Variants in CSMD2 observed in about 807,000 individuals in gnomAD.
The protein encoded by CSMD2 is CUB and sushi domain-containing protein 2.
A neutral mutation model predicts 398.5 loss-of-function variants in CSMD2; 130 were observed. The ratio of observed to expected loss-of-function variants is 0.33; its 90% CI spans 0.28 to 0.38. CSMD2 has a LOEUF of 0.38. Ranked by LOEUF, CSMD2 falls within the 10% of genes least tolerant of loss-of-function variation. CSMD2 has a pLI of 1.00. For synonymous variants in CSMD2, 1,828 were observed against 1,908.5 expected, an observed-to-expected ratio of 0.96 and a Z score of 1.10; for missense variants, 3,829 against 4,764.9, an observed-to-expected ratio of 0.80 and a Z score of 5.78.
intron 29 of CSMD2, 115 bp downstream of exon 29, chr1:33,646,533 T>C (rs964342389): frequency 9.0e-7 from 1 of 1,106,710 alleles, no homozygotes; most frequent in African/African-American, 1.6e-5. Flanking sequence ...AGTGCTAGGG[T>C]TGGTGTGGGC....
Position 33,808,782 on chromosome 1 carries a change from G to GT in CSMD2, c.1446+1960dup, listed in dbSNP as rs1570053139. ...GCAAATAAATATATTAAAAGGAATAGTAAGAAAACAAAAATTCATTTTCTG... is the reference window on the plus strand; with the variant it reads ...GCAAATAAATATATTAAAAGGAATAGTTAAGAAAACAAAAATTCATTTTCTG... On this transcript the variant is annotated intron_variant, in intron 10 of 70. Transcript: ENST00000373381. Among the ~76,000 whole-genome samples the GT allele has an allele frequency of 2.0e-5, 3 of 151,718 alleles. No individual in the cohort carries two copies. In the East Asian group the frequency reaches 5.8e-4, roughly 29 times the overall value.
rs556035277 is a variant in CSMD2, at chr1:33,583,527, T to C, written c.7240+115A>G. 56 of 1,037,778 alleles carry C rather than the reference T, an allele frequency of 5.4e-5. No homozygotes were observed. In the South Asian group the frequency reaches 7.9e-4, roughly 15 times the overall value. The allele number at this position is 1,037,778 out of a possible 1,614,324, so 64.3% of individuals were successfully genotyped here. A position where few individuals can be genotyped will look rare whatever the true frequency, so the allele number is the denominator to read the frequency against. On this transcript the variant is annotated intron_variant, in intron 47 of 70. Transcript: ENST00000373381. ...GGGGTTGCTGTGGTAGGGAAGGACA[T>C]CCTGTGGAGCTTCTGGCAAGCCCTG... is the stretch of plus-strand genomic sequence containing the variant.
rs370744865 is a variant in CSMD2 at position 33,719,331 on chromosome 1, C to T, written c.3002-2830G>A. ...AGGTGGAAACAAGTTGATTAAGCAT[C>T]GCGCTTTGCACTCTATTCTTCTAGC... On this transcript the variant is annotated intron_variant, in intron 19 of 70. Coordinates refer to ENST00000373381, the MANE Select transcript of CSMD2 (RefSeq NM_001281956.2). 1.1e-4 allele frequency among the ~76,000 whole-genome samples: 16 copies of T among 152,326 alleles called. No individual in the cohort carries two copies. In the South Asian group the frequency reaches 2.9e-3, roughly 28 times the overall value.
At chr1:33,836,461 G>A (rs1242024655) in intron 6 of CSMD2, among the ~76,000 whole-genome samples, 2 of 152,208 alleles carry the variant, frequency 1.3e-5, no homozygotes, top group African/African-American at 2.4e-5. Flanking sequence ...GTCCCCAAAG[G>A]TGGAATCTAC....
chr1:34,021,803 CAGG>C (rs1199107217), intron 3 of CSMD2, among the ~76,000 whole-genome samples: 1 of 152,152 alleles, frequency 6.6e-6, no homozygotes, highest in African/African-American at 2.4e-5. Context: ...GGTCAGAGAA[CAGG>C]TTGGAATGAT....
chr1:33,667,905 T>C (rs1022363100), intron 25 of CSMD2, among the ~76,000 whole-genome samples: 3 of 152,070 alleles, frequency 2.0e-5, no homozygotes, highest in African/African-American at 7.2e-5. Flanking sequence ...ACAGACAGGG[T>C]GCCATTCTCC....
chr1:33,863,215 C>T (rs796132642), intron 5 of CSMD2: 1 of 152,336 alleles, frequency 6.6e-6, no homozygotes, highest in African/African-American at 2.4e-5. Flanking sequence ...TGTCCAAAGG[C>T]CCCCAGAATG....
At chr1:33,946,140 G>A (rs1254729222) in intron 3 of CSMD2, among the ~76,000 whole-genome samples, 4 of 152,186 alleles carry the variant, frequency 2.6e-5, no homozygotes, top group African/African-American at 9.7e-5. Context: ...AGTTTCTGCA[G>A]GAGAAACCTG....
intron 15 of CSMD2, among the ~76,000 whole-genome samples, chr1:33,732,037 C>A (rs893899611): frequency 2.6e-5 from 4 of 152,160 alleles, no homozygotes; most frequent in African/African-American, 4.8e-5. Flanking sequence ...ACTATTCTCT[C>A]TGTTTTGGTA....
chr1:34,080,921 G>GAAAGAAAGAAAGAAA, intron 2 of CSMD2, among the ~76,000 whole-genome samples: 1 of 125,088 alleles, frequency 8.0e-6, no homozygotes, highest in East Asian at 2.7e-4. Flanking sequence ...CTAACTGAGT[G>GAAAGAAAGAAAGAAA]GAAAGAAAGA....
In CSMD2 at chr1:33,731,752, C is replaced by T. The variant is rs957164250; in HGVS notation, c.2369-5067G>A. Among the ~76,000 whole-genome samples the T allele has an allele frequency of 3.9e-5, 6 of 152,118 alleles. No individual in the cohort carries two copies. The East Asian group carries it at 7.7e-4, about 20-fold the overall frequency. On this transcript the variant is annotated intron_variant, in intron 15 of 70. Transcript: ENST00000373381. ...CTGACTTAAAAATACTATCAAAGAA[C>T]GTATTAGCCAATCATGGAAATTTGA...
At chr1:33,956,362 T>C (rs1645168094) in intron 3 of CSMD2, among the ~76,000 whole-genome samples, 1 of 152,158 alleles carries the variant, frequency 6.6e-6, no homozygotes, top group African/African-American at 2.4e-5. Context: ...CAGTCTACTT[T>C]CTGTCTCTAT....
At chr1:33,628,750 T>C (rs376067328) in intron 32 of CSMD2, among the ~76,000 whole-genome samples, 5 of 150,904 alleles carry the variant, frequency 3.3e-5, no homozygotes, top group African/African-American at 1.2e-4. Flanking sequence ...ATTTGCCAAG[T>C]GCAAGGTAGA....
At chr1:34,111,332 TG>T (rs1183472771) in intron 1 of CSMD2, among the ~76,000 whole-genome samples, 4 of 152,342 alleles carry the variant, frequency 2.6e-5, no homozygotes, top group Non-Finnish European at 5.9e-5. Context: ...AATGAAAATC[TG>T]GGAAGGAAGG....
chr1:33,888,052 C>T (rs1641718986), intron 5 of CSMD2, among the ~76,000 whole-genome samples: 1 of 151,910 alleles, frequency 6.6e-6, no homozygotes, highest in African/African-American at 2.4e-5. Context: ...GGAAAAAAAC[C>T]TAACAAGAAA....
At chr1:33,704,492 T>C (rs1267155049) in intron 22 of CSMD2, among the ~76,000 whole-genome samples, 2 of 152,188 alleles carry the variant, frequency 1.3e-5, no homozygotes, top group Admixed American at 6.5e-5. Flanking sequence ...AAAGTTCTAT[T>C]TGTAGTTTTA....
intron 14 of CSMD2, among the ~76,000 whole-genome samples, chr1:33,739,734 C>G (rs1646996153): frequency 6.6e-6 from 1 of 152,226 alleles, no homozygotes; most frequent in South Asian, 2.1e-4. Flanking sequence ...TCCAAGATTC[C>G]CTAACTTCAG....
intron 3 of CSMD2, among the ~76,000 whole-genome samples, chr1:33,987,198 A>C (rs1437315305): frequency 1.3e-5 from 2 of 152,262 alleles, no homozygotes; most frequent in East Asian, 3.9e-4. Flanking sequence ...ACCTAATTCC[A>C]TAACCTTGGA....
chr1:33,843,425 G>A (rs1419116154), intron 6 of CSMD2, among the ~76,000 whole-genome samples: 3 of 152,006 alleles, frequency 2.0e-5, no homozygotes, highest in African/African-American at 7.2e-5. Context: ...TGTTTATCTG[G>A]GAAAAAATCT....
Sources: gnomAD v4.1 joint callset for allele counts (sites outside exome capture counted in the v4.1 genomes callset) on GRCh38, gnomAD v4.1.1 for gene constraint, MANE v1.5 for transcripts, NCBI Gene and HGNC (gene_info 2026-07-23, HGNC 2026-07-21) for gene names.